The following AP1S3 variants were observed in gnomAD, a reference collection of about 807,000 sequenced individuals.
AP1S3 encodes AP-1 complex subunit sigma-3.
A neutral mutation model predicts 20.9 loss-of-function variants in AP1S3; 10 were observed. The observed-to-expected ratio is 0.48, with a 90% confidence interval of 0.29 to 0.81. The LOEUF is 0.81. AP1S3 is among the 30% of genes least tolerant of loss of function. The probability of loss-of-function intolerance (pLI) is 0.08; values close to 1 mark genes in which losing one functional copy is unlikely to be tolerated. For synonymous variants in AP1S3, 41 were observed against 61.5 expected (o/e 0.67, Z 1.56); for missense variants, 154 against 183.8 (o/e 0.84, Z 0.94).
intron 1 of AP1S3, among the ~76,000 whole-genome samples, chr2:223,785,377 T>C (rs186830056): frequency 6.6e-6 from 1 of 152,120 alleles, no homozygotes; most frequent in Non-Finnish European, 1.5e-5. Flanking sequence ...GATTATATTG[T>C]GTGTGTAGTA....
intron 1 of AP1S3, among the ~76,000 whole-genome samples, chr2:223,812,151 T>C (rs187111744): frequency 6.6e-6 from 1 of 152,328 alleles, no homozygotes; most frequent in East Asian, 1.9e-4. Context: ...AACACAAATA[T>C]CACATTTATT....
At chr2:223,782,390 T>G (rs1290118485) in intron 1 of AP1S3, among the ~76,000 whole-genome samples, 1 of 152,190 alleles carries the variant, frequency 6.6e-6, no homozygotes, top group African/African-American at 2.4e-5. Context: ...TTGGTTCTAT[T>G]TTCAGATCTC....
chr2:223,758,803 G>T, intron 4 of AP1S3, 53 bp from the exon 5 acceptor site: 1 of 1,477,410 alleles, frequency 6.8e-7, no homozygotes, highest in Non-Finnish European at 9.3e-7. Context: ...ACAGCCTTCC[G>T]CAGACTGTGA....
intron 1 of AP1S3, among the ~76,000 whole-genome samples, chr2:223,828,971 G>A (rs1429781778): frequency 1.3e-5 from 2 of 152,154 alleles, no homozygotes; most frequent in African/African-American, 2.4e-5. Flanking sequence ...GACTAGCTGG[G>A]ATTACAGGCG....
chr2:223,807,718 T>G (rs74493371), intron 1 of AP1S3, among the ~76,000 whole-genome samples: 1 of 152,012 alleles, frequency 6.6e-6, no homozygotes. Flanking sequence ...CCACATAAGA[T>G]GTCTGGCTCT....
intron 1 of AP1S3, among the ~76,000 whole-genome samples, chr2:223,820,559 ATCAC>A (rs1691963233): frequency 6.6e-6 from 1 of 151,698 alleles, no homozygotes; most frequent in Non-Finnish European, 1.5e-5. Flanking sequence ...CAAAAAAAAA[ATCAC>A]AGAAAGGAGA....
chr2:223,768,295 C>G (rs1335914054), intron 3 of AP1S3, among the ~76,000 whole-genome samples: 1 of 152,098 alleles, frequency 6.6e-6, no homozygotes, highest in Non-Finnish European at 1.5e-5. Context: ...CTGGCAAAAC[C>G]AAGCTCATTT....
At chr2:223,819,598 TA>T (rs61543706) in intron 1 of AP1S3, among the ~76,000 whole-genome samples, 52,891 of 146,192 alleles carry the variant, frequency 0.36, 9,716 homozygotes, top group Middle Eastern at 0.43. Flanking sequence ...ATGCCTTGTG[TA>T]AAAAAAAAAA....
At chr2:223,791,106 G>C (rs902967541) in intron 1 of AP1S3, among the ~76,000 whole-genome samples, 1 of 152,170 alleles carries the variant, frequency 6.6e-6, no homozygotes, top group African/African-American at 2.4e-5. Flanking sequence ...GTACAAAGAA[G>C]AGCTGGGACC....
chr2:223,828,731 G>A (rs972985623), intron 1 of AP1S3, among the ~76,000 whole-genome samples: 1 of 152,160 alleles, frequency 6.6e-6, no homozygotes, highest in African/African-American at 2.4e-5. Flanking sequence ...TGGACACAGG[G>A]TCATTACATG....
At chr2:223,799,560 T>C (rs1040589800) in intron 1 of AP1S3, among the ~76,000 whole-genome samples, 3 of 152,204 alleles carry the variant, frequency 2.0e-5, no homozygotes, top group Non-Finnish European at 4.4e-5. Flanking sequence ...ACTGTTGTTT[T>C]CTATCTCATT....
At position 223,756,176 on chromosome 2, in the gene AP1S3, A is replaced by G. The variant is rs1464791086; in HGVS notation, c.*2539T>C. ...AACATGGAGAAATCCCAACTCTACCAAAAATACAAAATTAGCCAGGCGTGG... is the reference window on the plus strand; with the variant it reads ...AACATGGAGAAATCCCAACTCTACCGAAAATACAAAATTAGCCAGGCGTGG... On this transcript the variant is annotated 3_prime_UTR_variant, in exon 5 of 5. Transcript: ENST00000396654. 6 of 354,384 alleles carry G rather than the reference A, an allele frequency of 1.7e-5. No individual in the cohort carries two copies. The highest frequency in any genetic ancestry group is 2.4e-5 in the Non-Finnish European group (6 of 253,346). The allele number at this position is 354,384 out of a possible 1,614,324, so 22.0% of individuals were successfully genotyped here. A position where few individuals can be genotyped will look rare whatever the true frequency, so the allele number is the denominator to read the frequency against.
rs562713256 is a variant in AP1S3, at chr2:223,794,360, A to C, written c.4-16491T>G. On this transcript the variant is annotated intron_variant, in intron 1 of 4. Transcript: ENST00000396654. ...ACAGAGAGACTCTGTGTCAAAAAAAACAATAAAATATAAAACAAAATAAAT... is the reference window on the plus strand; with the variant it reads ...ACAGAGAGACTCTGTGTCAAAAAAACCAATAAAATATAAAACAAAATAAAT... 3.5e-4 allele frequency among the ~76,000 whole-genome samples: 53 copies of C among 152,204 alleles called. No individual in the cohort carries two copies. The Middle Eastern group carries it at 0.01, about 29-fold the overall frequency.
intron 1 of AP1S3, among the ~76,000 whole-genome samples, chr2:223,825,885 C>T (rs1031009131): frequency 1.3e-5 from 2 of 151,824 alleles, no homozygotes; most frequent in Admixed American, 6.6e-5. Flanking sequence ...GGTGTGGTGG[C>T]GGGCACCTGT....
intron 1 of AP1S3, among the ~76,000 whole-genome samples, chr2:223,800,400 C>T (rs527598454): frequency 8.2e-4 from 125 of 151,982 alleles, no homozygotes; most frequent in African/African-American, 2.5e-3. Flanking sequence ...GGCATGGTGA[C>T]GCACACTTGT....
intron 1 of AP1S3, among the ~76,000 whole-genome samples, chr2:223,813,297 A>G (rs936798923): frequency 1.3e-5 from 2 of 152,078 alleles, no homozygotes; most frequent in Non-Finnish European, 2.9e-5. Flanking sequence ...TGACTTTCAA[A>G]ACGTGCCTTT....
chr2:223,821,704 C>T (rs1691990582), intron 1 of AP1S3, among the ~76,000 whole-genome samples: 2 of 152,266 alleles, frequency 1.3e-5, no homozygotes, highest in South Asian at 2.1e-4. Flanking sequence ...ACACGAAAAC[C>T]CCCATCTTCC....
chr2:223,816,237 T>G (rs1691840681), intron 1 of AP1S3, among the ~76,000 whole-genome samples: 1 of 152,200 alleles, frequency 6.6e-6, no homozygotes, highest in African/African-American at 2.4e-5. Context: ...TTATCACCAG[T>G]TGGGTTAATT....
chr2:223,819,591 C>A (rs1423880478), intron 1 of AP1S3, among the ~76,000 whole-genome samples: 1 of 128,852 alleles, frequency 7.8e-6, no homozygotes, highest in Admixed American at 8.8e-5. Context: ...CTTCAAGATG[C>A]CTTGTGTAAA....
Sources: allele counts gnomAD v4.1 joint callset (sites outside exome capture counted in the v4.1 genomes callset), GRCh38; gene constraint gnomAD v4.1.1; transcripts MANE v1.5; gene names NCBI Gene and HGNC (gene_info 2026-07-23, HGNC 2026-07-21).